The following KCTD11 variants were observed in gnomAD, a reference collection of about 807,000 sequenced individuals.
The protein encoded by KCTD11 is potassium channel tetramerization domain containing 11.
Under a neutral mutation model 10.7 loss-of-function variants are expected in KCTD11, and 8 were observed. The ratio of observed to expected loss-of-function variants is 0.74; its 90% confidence interval spans 0.44 to 1.34. The LOEUF is 1.34. Among genes scored for constraint, KCTD11 ranks in the 40% most tolerant of loss-of-function variants. The pLI is 0.01. For synonymous variants in KCTD11, 153 were observed against 160.8 expected (o/e 0.95, Z 0.37); for missense variants, 346 against 356.1 (o/e 0.97, Z 0.23).
chr17:7,352,689 G>C lies in KCTD11; in HGVS notation c.-137G>C, dbSNP rs1428398529. On this transcript the variant is annotated 5_prime_UTR_variant, in exon 1 of 1. Transcript: ENST00000333751. This position sits in a 1 kb window ranked among gnomAD's most constrained non-coding sequence, Gnocchi z 4.5. The stretch of plus-strand genomic sequence containing the variant: ...TCCCCATCCACCACCAAAGTAGCCG[G>C]GGTGAGCCCCAAACCTTACTGGGTG... 2.0e-6 allele frequency: 1 copy of C among 499,930 alleles called. No homozygotes were observed. Among genetic ancestry groups the C allele is most frequent in the East Asian group, 3.0e-5 (1 of 33,324 alleles). 31.0% of individuals were successfully genotyped at this position (499,930 alleles called of 1,614,324 possible).
Position 7,352,979 on chromosome 17 carries a change from C to T in KCTD11, c.154C>T (p.Pro52Ser), listed in dbSNP as rs748390842. 5 of 1,601,662 alleles carry T rather than the reference C, an allele frequency of 3.1e-6. No homozygotes were observed. The highest frequency in any genetic ancestry group is 4.3e-6 in the Non-Finnish European group (5 of 1,171,352). ...CATGTTTAGGGCCGGCACCCCCATG[C>T]CCCCCAACCTCAATTCCCAAGGAGG... The change falls in exon 1 of 1, where the codon CCC becomes TCC. Residue 52 changes from proline (P) to serine (S), a missense_variant. Coordinates refer to ENST00000333751, the MANE Select transcript of KCTD11 (RefSeq NM_001363642.1). The surrounding 1 kb of genome is among the most constrained non-coding windows in gnomAD (Gnocchi z 4.5).
Position 7,353,738 on chromosome 17 carries a change from C to T in KCTD11, c.*97C>T, listed in dbSNP as rs539478059. 131 of 1,190,900 alleles carry T rather than the reference C, an allele frequency of 1.1e-4. No homozygotes were observed. In the South Asian group the frequency reaches 1.3e-3, roughly 12 times the overall value. The allele number at this position is 1,190,900 out of a possible 1,614,324, so 73.8% of individuals were successfully genotyped here. ...GCTCTGCTTCAGGAGCTATGAGAGT[C>T]GGGACTCTCCTGCACCTGACTGGAG... On this transcript the variant is annotated 3_prime_UTR_variant, in exon 1 of 1. Transcript: ENST00000333751. This position sits in a 1 kb window ranked among gnomAD's most constrained non-coding sequence, Gnocchi z 4.9.
rs1405301526 is a variant in KCTD11, at chr17:7,352,486, ACCGT to A, written c.-338_-335del. 1 of 220,086 alleles carries A rather than the reference ACCGT, an allele frequency of 4.5e-6. No individual in the cohort carries two copies. The highest frequency in any genetic ancestry group is 9.8e-5 in the East Asian group (1 of 10,250). 13.6% of individuals were successfully genotyped at this position (220,086 alleles called of 1,614,324 possible). On this transcript the variant is annotated 5_prime_UTR_variant, in exon 1 of 1. Coordinates refer to ENST00000333751, the MANE Select transcript of KCTD11 (RefSeq NM_001363642.1). This position sits in a 1 kb window ranked among gnomAD's most constrained non-coding sequence, Gnocchi z 4.5. ...CTTCAGAGTCGGCCCTGTGCTCGCCACCGTCACCTGCTGGTTGGATTCCGGAAAC... is the reference window on the plus strand; with the variant it reads ...CTTCAGAGTCGGCCCTGTGCTCGCCACACCTGCTGGTTGGATTCCGGAAAC...
chr17:7,353,174 G>T lies in KCTD11; in HGVS notation c.349G>T (p.Ala117Ser), dbSNP rs755928510. The T allele has an allele frequency of 3.1e-6, 5 of 1,613,234 alleles. No homozygotes were observed. The highest frequency in any genetic ancestry group is 4.2e-6 in the Non-Finnish European group (5 of 1,179,864). Residue 117 changes from alanine to serine, a missense_variant, in exon 1 of 1, where the codon GCC becomes TCC. Physicochemically the swap from Ala to Ser is moderately conservative, Grantham distance 99 (BLOSUM62 1). Coordinates refer to ENST00000333751, the MANE Select transcript of KCTD11 (RefSeq NM_001363642.1). The surrounding 1 kb of genome is among the most constrained non-coding windows in gnomAD (Gnocchi z 4.9). The stretch of plus-strand genomic sequence containing the variant: ...CCTGGACGCGCTGCGGGAACTGGAG[G>T]CCTCTCAGGGGACCCCTGCACCCAC...
rs1384121385 is a variant in KCTD11, at chr17:7,353,309, C to T, written c.484C>T (p.Arg162Ter). ...GAGCTCCGTCCAGGTGGACACCTTC[C>T]GAGCCAACCTTTTCTGCACCGACTC... The change falls in exon 1 of 1, where the codon CGA becomes TGA. Residue 162 changes from arginine to a stop codon, truncating the protein, a stop_gained. Coordinates refer to ENST00000333751, the MANE Select transcript of KCTD11 (RefSeq NM_001363642.1). LOFTEE classifies it high-confidence loss of function. This position sits in a 1 kb window ranked among gnomAD's most constrained non-coding sequence, Gnocchi z 4.9. 3 of 1,614,118 alleles carry T rather than the reference C, an allele frequency of 1.9e-6. No individual in the cohort carries two copies. Among genetic ancestry groups the T allele is most frequent in the East Asian group, 2.2e-5 (1 of 44,892 alleles).
chr17:7,352,230 C>G lies in KCTD11; in HGVS notation c.-596C>G, dbSNP rs979771113. 1 of 152,370 alleles carries G rather than the reference C, an allele frequency of 6.6e-6. No individual in the cohort carries two copies. Among genetic ancestry groups the G allele is most frequent in the African/African-American group, 2.4e-5 (1 of 41,456 alleles). The allele number at this position is 152,370 out of a possible 1,614,324, so 9.4% of individuals were successfully genotyped here. A position where few individuals can be genotyped will look rare whatever the true frequency, so the allele number is the denominator to read the frequency against. ...CAGGGAAGGCGGCGCGGCCGGGTCCCGAAACTCCTGGCTGTTTCCATCAGA... is the reference window on the plus strand; with the variant it reads ...CAGGGAAGGCGGCGCGGCCGGGTCCGGAAACTCCTGGCTGTTTCCATCAGA... On this transcript the variant is annotated 5_prime_UTR_variant, in exon 1 of 1. Coordinates refer to ENST00000333751, the MANE Select transcript of KCTD11 (RefSeq NM_001363642.1). The surrounding 1 kb of genome is among the most constrained non-coding windows in gnomAD (Gnocchi z 4.5).
chr17:7,353,632 C>G lies in KCTD11; in HGVS notation c.807C>G (p.Val269=), dbSNP rs767852797. Residue 269 remains valine, a synonymous_variant, in exon 1 of 1, where the codon GTC becomes GTG. Coordinates refer to ENST00000333751, the MANE Select transcript of KCTD11 (RefSeq NM_001363642.1). The surrounding 1 kb of genome is among the most constrained non-coding windows in gnomAD (Gnocchi z 4.9). ...TCAACTCCAGGTCTCTGCGCTTTGT[C>G]CGGCACTGAGGATGCTGTTCTCAGT... 1.3e-6 allele frequency: 2 copies of G among 1,516,064 alleles called. No individual in the cohort carries two copies. The highest frequency in any genetic ancestry group is 2.3e-5 in the East Asian group (1 of 43,968). 93.9% of individuals were successfully genotyped at this position (1,516,064 alleles called of 1,614,324 possible).
rs1433571300 is a variant in KCTD11, at chr17:7,353,484, C to T, written c.659C>T (p.Thr220Ile). The T allele has an allele frequency of 6.2e-7, 1 of 1,604,726 alleles. No individual in the cohort carries two copies. The highest frequency in any genetic ancestry group is 2.2e-5 in the East Asian group (1 of 44,668). Residue 220 changes from threonine to isoleucine, a missense_variant, in exon 1 of 1, where the codon ACT becomes ATT. Thr to Ile is a moderately conservative substitution (Grantham distance 89, BLOSUM62 -1). Coordinates refer to ENST00000333751, the MANE Select transcript of KCTD11 (RefSeq NM_001363642.1). The surrounding 1 kb of genome is among the most constrained non-coding windows in gnomAD (Gnocchi z 4.9). The stretch of plus-strand genomic sequence containing the variant: ...AGACTGGGGCTGCAGCCGCTGTGGA[C>T]TGGGGGGCCAGGAGAGCGGCGGGAG...
chr17:7,352,855 C>T lies in KCTD11; in HGVS notation c.30C>T (p.Pro10=). 1.9e-6 allele frequency: 2 copies of T among 1,052,756 alleles called. No individual in the cohort carries two copies. The highest frequency in any genetic ancestry group is 2.8e-6 in the Non-Finnish European group (2 of 719,862). The allele number at this position is 1,052,756 out of a possible 1,614,324, so 65.2% of individuals were successfully genotyped here. Residue 10 remains proline, a synonymous_variant, in exon 1 of 1, where the codon CCC becomes CCT. Coordinates refer to ENST00000333751, the MANE Select transcript of KCTD11 (RefSeq NM_001363642.1). The surrounding 1 kb of genome is among the most constrained non-coding windows in gnomAD (Gnocchi z 4.5). Reference sequence around the variant, plus strand: ...CTCCTCCTCCTGTGCCCTCTTCGCCCCCCTCCTTTGGGGGCCCCGTGACCC... The same window carrying T: ...CTCCTCCTCCTGTGCCCTCTTCGCCTCCCTCCTTTGGGGGCCCCGTGACCC...
rs772949012 is a variant in KCTD11, at chr17:7,353,262, G to A, written c.437G>A (p.Arg146Gln). 19 of 1,613,572 alleles carry A rather than the reference G, an allele frequency of 1.2e-5. No homozygotes were observed. In the Admixed American group the frequency reaches 2.8e-4, roughly 24 times the overall value. ...CGCCTGGTGCACTTCTCTGCTCGCC[G>A]GGGACCCCATCACTATGAGCTGAGC... The change falls in exon 1 of 1, where the codon CGG becomes CAG. Residue 146 changes from arginine to glutamine, a missense_variant. Physicochemically the swap from Arg to Gln is conservative, Grantham distance 43. Transcript: ENST00000333751. The surrounding 1 kb of genome is among the most constrained non-coding windows in gnomAD (Gnocchi z 4.9).
chr17:7,352,626 T>C lies in KCTD11; in HGVS notation c.-200T>C. On this transcript the variant is annotated 5_prime_UTR_variant, in exon 1 of 1. Coordinates refer to ENST00000333751, the MANE Select transcript of KCTD11 (RefSeq NM_001363642.1). The surrounding 1 kb of genome is among the most constrained non-coding windows in gnomAD (Gnocchi z 4.5). ...TGCCCTCTGCTCTTTTCATCTCTTCTCTCAACCTTTTGGGGATTTCTGTGT... is the reference window on the plus strand; with the variant it reads ...TGCCCTCTGCTCTTTTCATCTCTTCCCTCAACCTTTTGGGGATTTCTGTGT... 2.1e-6 allele frequency: 1 copy of C among 473,444 alleles called. No individual in the cohort carries two copies. The highest frequency in any genetic ancestry group is 3.1e-5 in the East Asian group (1 of 32,254). 29.3% of individuals were successfully genotyped at this position (473,444 alleles called of 1,614,324 possible). A position where few individuals can be genotyped will look rare whatever the true frequency, so the allele number is the denominator to read the frequency against.
In KCTD11 at chr17:7,353,675, A is replaced by G; in HGVS notation, c.*34A>G. ...TTCTCAGTTTGACTGTGGGGAGGAG[A>G]GAGAATGGGGTACTAGCACCCCTGA... On this transcript the variant is annotated 3_prime_UTR_variant, in exon 1 of 1. Transcript: ENST00000333751. This position sits in a 1 kb window ranked among gnomAD's most constrained non-coding sequence, Gnocchi z 4.9. The G allele has an allele frequency of 2.0e-6, 3 of 1,504,556 alleles. No homozygotes were observed. The highest frequency in any genetic ancestry group is 2.7e-6 in the Non-Finnish European group (3 of 1,125,316). 93.2% of individuals were successfully genotyped at this position (1,504,556 alleles called of 1,614,324 possible).
At position 7,353,730 on chromosome 17, in the gene KCTD11, A is replaced by C; in HGVS notation, c.*89A>C. On this transcript the variant is annotated 3_prime_UTR_variant, in exon 1 of 1. Transcript: ENST00000333751. The surrounding 1 kb of genome is among the most constrained non-coding windows in gnomAD (Gnocchi z 4.9). Reference sequence around the variant, plus strand: ...TCTTTCCAGCTCTGCTTCAGGAGCTATGAGAGTCGGGACTCTCCTGCACCT... The same window carrying C: ...TCTTTCCAGCTCTGCTTCAGGAGCTCTGAGAGTCGGGACTCTCCTGCACCT... 7.7e-7 allele frequency: 1 copy of C among 1,290,934 alleles called. No homozygotes were observed. Among genetic ancestry groups the C allele is most frequent in the Non-Finnish European group, 1.1e-6 (1 of 947,572 alleles). The allele number at this position is 1,290,934 out of a possible 1,614,324, so 80.0% of individuals were successfully genotyped here.
chr17:7,353,165 G>C lies in KCTD11; in HGVS notation c.340G>C (p.Glu114Gln). The change falls in exon 1 of 1, where the codon GAA becomes CAA. Residue 114 changes from glutamate (E) to glutamine (Q), a missense_variant. Coordinates refer to ENST00000333751, the MANE Select transcript of KCTD11 (RefSeq NM_001363642.1). This position sits in a 1 kb window ranked among gnomAD's most constrained non-coding sequence, Gnocchi z 4.9. Reference sequence around the variant, plus strand: ...CCGGCCCCTCCTGGACGCGCTGCGGGAACTGGAGGCCTCTCAGGGGACCCC... The same window carrying C: ...CCGGCCCCTCCTGGACGCGCTGCGGCAACTGGAGGCCTCTCAGGGGACCCC... 3 of 1,613,352 alleles carry C rather than the reference G, an allele frequency of 1.9e-6. No homozygotes were observed. Among genetic ancestry groups the C allele is most frequent in the Non-Finnish European group, 2.5e-6 (3 of 1,179,806 alleles).
Position 7,353,140 on chromosome 17 carries a change from C to T in KCTD11, c.315C>T (p.Ile105=). The change falls in exon 1 of 1, where the codon ATC becomes ATT. Residue 105 remains isoleucine, a synonymous_variant. Transcript: ENST00000333751. The surrounding 1 kb of genome is among the most constrained non-coding windows in gnomAD (Gnocchi z 4.9). ...GGGCAGAGGCTGACTTCTACCAGAT[C>T]CGGCCCCTCCTGGACGCGCTGCGGG... 1.2e-6 allele frequency: 2 copies of T among 1,612,944 alleles called. No homozygotes were observed. Among genetic ancestry groups the T allele is most frequent in the Non-Finnish European group, 1.7e-6 (2 of 1,179,414 alleles).
Position 7,352,533 on chromosome 17 carries a change from CAG to C in KCTD11, c.-290_-289del, listed in dbSNP as rs2073423071. ...CCGGAAACCCACTGTCTGAAGACCA[CAG>C]AGGGGTGTCGCTGACCACCCCAAAT... On this transcript the variant is annotated 5_prime_UTR_variant, in exon 1 of 1. Coordinates refer to ENST00000333751, the MANE Select transcript of KCTD11 (RefSeq NM_001363642.1). This position sits in a 1 kb window ranked among gnomAD's most constrained non-coding sequence, Gnocchi z 4.5. 3.0e-6 allele frequency: 1 copy of C among 333,760 alleles called. No homozygotes were observed. The highest frequency in any genetic ancestry group is 2.1e-5 in the African/African-American group (1 of 47,140). The allele number at this position is 333,760 out of a possible 1,614,324, so 20.7% of individuals were successfully genotyped here.
chr17:7,353,424 C>G lies in KCTD11; in HGVS notation c.599C>G (p.Pro200Arg), dbSNP rs2073436586. 6.2e-7 allele frequency: 1 copy of G among 1,612,892 alleles called. No homozygotes were observed. The highest frequency in any genetic ancestry group is 8.5e-7 in the Non-Finnish European group (1 of 1,179,996). Residue 200 changes from proline to arginine, a missense_variant, in exon 1 of 1, where the codon CCC becomes CGC. Coordinates refer to ENST00000333751, the MANE Select transcript of KCTD11 (RefSeq NM_001363642.1). This position sits in a 1 kb window ranked among gnomAD's most constrained non-coding sequence, Gnocchi z 4.9. ...CCACATTTTCATCTGGAGTGGGCCCCCCGCCCCGTGGAACTCCCCGAGGTG... is the reference window on the plus strand; with the variant it reads ...CCACATTTTCATCTGGAGTGGGCCCGCCGCCCCGTGGAACTCCCCGAGGTG...
In KCTD11 at chr17:7,352,856, C is replaced by T; in HGVS notation, c.31C>T (p.Pro11Ser). 1 of 1,075,300 alleles carries T rather than the reference C, an allele frequency of 9.3e-7. No homozygotes were observed. Among genetic ancestry groups the T allele is most frequent in the Non-Finnish European group, 1.4e-6 (1 of 740,406 alleles). 66.6% of individuals were successfully genotyped at this position (1,075,300 alleles called of 1,614,324 possible). A position where few individuals can be genotyped will look rare whatever the true frequency, so the allele number is the denominator to read the frequency against. The change falls in exon 1 of 1, where the codon CCC becomes TCC. Residue 11 changes from proline (P) to serine (S), a missense_variant. Pro to Ser is a moderately conservative substitution (Grantham distance 74). Transcript: ENST00000333751. This position sits in a 1 kb window ranked among gnomAD's most constrained non-coding sequence, Gnocchi z 4.5. ...TCCTCCTCCTGTGCCCTCTTCGCCC[C>T]CCTCCTTTGGGGGCCCCGTGACCCT...
At position 7,353,408 on chromosome 17, in the gene KCTD11, C is replaced by T. The variant is rs1423096454; in HGVS notation, c.583C>T (p.His195Tyr). The change falls in exon 1 of 1, where the codon CAT becomes TAT. Residue 195 changes from histidine (H) to tyrosine (Y), a missense_variant. Transcript: ENST00000333751. This position sits in a 1 kb window ranked among gnomAD's most constrained non-coding sequence, Gnocchi z 4.9. ...TAGGGCAGAGGGGAGCCCACATTTT[C>T]ATCTGGAGTGGGCCCCCCGCCCCGT... 1 of 1,613,400 alleles carries T rather than the reference C, an allele frequency of 6.2e-7. No homozygotes were observed. The highest frequency in any genetic ancestry group is 1.1e-5 in the South Asian group (1 of 91,084).
Sources: allele counts gnomAD v4.1 joint callset, GRCh38; gene constraint gnomAD v4.1.1; non-coding constraint Gnocchi (gnomAD v3.1); transcripts MANE v1.5; gene names NCBI Gene and HGNC (gene_info 2026-07-23, HGNC 2026-07-21).